The following SORL1 variants were observed in gnomAD, a reference collection of about 807,000 sequenced individuals.
The protein encoded by SORL1 is sortilin-related receptor.
A neutral mutation model predicts 273.7 loss-of-function variants in SORL1; 127 were observed. That is an observed-to-expected ratio of 0.46 (90% CI 0.40 to 0.54). SORL1 has a LOEUF of 0.54. SORL1 is among the 20% of genes least tolerant of loss of function. The pLI is 0.00. For missense variants in SORL1, 2,494 were observed against 2,846.1 expected, an observed-to-expected ratio of 0.88 and a Z score of 2.81; for synonymous variants, 1,031 against 1,067.4, an observed-to-expected ratio of 0.97 and a Z score of 0.66.
intron 6 of SORL1, among the ~76,000 whole-genome samples, chr11:121,499,901 C>T (rs1285367104): frequency 6.6e-6 from 1 of 152,234 alleles, no homozygotes; most frequent in East Asian, 1.9e-4. Context: ...TTCCTTCCAG[C>T]ACCATGAATG....
chr11:121,575,953 G>T lies in SORL1; in HGVS notation c.3461-1328G>T, dbSNP rs1195059557. On this transcript the variant is annotated intron_variant, in intron 24 of 47. Transcript: ENST00000260197. The stretch of plus-strand genomic sequence containing the variant: ...TGAATTCATCCCAGGGTCCCGGTTA[G>T]CCCCTTCCTCTGATGCAGGTCCTCT... Among the ~76,000 whole-genome samples the T allele has an allele frequency of 3.9e-5, 6 of 152,282 alleles. No individual in the cohort carries two copies. The East Asian group carries it at 1.2e-3, about 29-fold the overall frequency.
intron 28 of SORL1, among the ~76,000 whole-genome samples, chr11:121,588,808 A>G (rs543563665): frequency 1.3e-5 from 2 of 152,196 alleles, no homozygotes; most frequent in Non-Finnish European, 2.9e-5. Context: ...CCCTGGCCTC[A>G]TAGACGGCTG....
chr11:121,627,262 C>A lies in SORL1; in HGVS notation c.6365-293C>A, dbSNP rs1029782605. ...TGCTAATGAAATCAATGTTGATACCCCAACAAAGGTCTCCCTTCCAAGAGA... is the reference window on the plus strand; with the variant it reads ...TGCTAATGAAATCAATGTTGATACCACAACAAAGGTCTCCCTTCCAAGAGA... On this transcript the variant is annotated intron_variant, in intron 46 of 47. Coordinates refer to ENST00000260197, the MANE Select transcript of SORL1 (RefSeq NM_003105.6). The surrounding 1 kb of genome is among the most constrained non-coding windows in gnomAD (Gnocchi z 4.9). 4.3e-5 allele frequency: 17 copies of A among 391,950 alleles called. No homozygotes were observed. The highest frequency in any genetic ancestry group is 1.3e-4 in the Admixed American group (3 of 23,592). 24.3% of individuals were successfully genotyped at this position (391,950 alleles called of 1,614,324 possible).
At chr11:121,587,883 A>G in intron 27 of SORL1, 137 bp from the exon 28 acceptor site, 1 of 958,496 alleles carries the variant, frequency 1.0e-6, no homozygotes, top group Non-Finnish European at 1.5e-6. Context: ...CTTGGCAGAA[A>G]ACAAGTGCTC....
intron 14 of SORL1, among the ~76,000 whole-genome samples, 189 bp from the exon 15 acceptor site, chr11:121,549,771 A>C (rs1862481520): frequency 6.6e-6 from 1 of 150,900 alleles, no homozygotes; most frequent in South Asian, 2.1e-4. Context: ...GTGTTTTTCC[A>C]ACTGTGGTTC....
Position 121,566,378 on chromosome 11 carries a change from A to T in SORL1, c.3050-562A>T, listed in dbSNP as rs567233449. ...GTTCTTTTTTAAATTAAAAAAAAAA[A>T]TTTTTTTTAAGGGATAGGATCTTGC... On this transcript the variant is annotated intron_variant, in intron 21 of 47. Coordinates refer to ENST00000260197, the MANE Select transcript of SORL1 (RefSeq NM_003105.6). 3.1e-3 allele frequency among the ~76,000 whole-genome samples: 466 copies of T among 151,924 alleles called. 5 individuals are homozygous for T. Among genetic ancestry groups the T allele is most frequent in the African/African-American group, 4.0e-3 (165 of 41,424 alleles).
At position 121,561,049 on chromosome 11, in the gene SORL1, C is replaced by T. The variant is rs530634310; in HGVS notation, c.3049+1392C>T. On this transcript the variant is annotated intron_variant, in intron 21 of 47. Transcript: ENST00000260197. ...CCTTTGTTTAATGGAGGACATCCAC[C>T]CCTACTGATCTGACTTGCTAGCTAG... Among the ~76,000 whole-genome samples, 6 of 152,290 alleles carry T rather than the reference C, an allele frequency of 3.9e-5. No homozygotes were observed. In the South Asian group the frequency reaches 1.0e-3, roughly 26 times the overall value.
Position 121,532,480 on chromosome 11 carries a change from A to G in SORL1, c.1613A>G (p.His538Arg). 6.2e-7 allele frequency: 1 copy of G among 1,614,116 alleles called. No individual in the cohort carries two copies. Among genetic ancestry groups the G allele is most frequent in the Non-Finnish European group, 8.5e-7 (1 of 1,179,982 alleles). Residue 538 changes from histidine (H) to arginine (R), a missense_variant, in exon 12 of 48, where the codon CAC (histidine) becomes CGC (arginine). By Grantham distance (29) the His-to-Arg change is conservative. Coordinates refer to ENST00000260197, the MANE Select transcript of SORL1 (RefSeq NM_003105.6). The stretch of plus-strand genomic sequence containing the variant: ...CCTCTTCAGGCACTTCCTGGACCTC[A>G]CTACTACACATGGGGAGACCACGGC... The part of the protein sequence containing the change: ...ARWREALPGP[H>R]YYTWGDHGGI...
chr11:121,591,781 AT>A (rs979256279), intron 31 of SORL1, among the ~76,000 whole-genome samples: 2 of 152,070 alleles, frequency 1.3e-5, no homozygotes, highest in African/African-American at 4.8e-5. Context: ...AGAACAAATA[AT>A]TTTTTGCATG....
rs1399191659 is a variant in SORL1 at position 121,583,540 on chromosome 11, T to TACGG, written c.3666_3669dup (p.Cys1224GlyfsTer8). On this transcript the variant is annotated frameshift_variant, in exon 26 of 48. Transcript: ENST00000260197. LOFTEE classifies it high-confidence loss of function. The stretch of plus-strand genomic sequence containing the variant: ...CCCAGCGGTGGGCGTGTGACGGGGA[T>TACGG]ACGGACTGCCAGGATGGTTCCGATG... 1 of 1,612,818 alleles carries TACGG rather than the reference T, an allele frequency of 6.2e-7. No individual in the cohort carries two copies. Among genetic ancestry groups the TACGG allele is most frequent in the East Asian group, 2.2e-5 (1 of 44,664 alleles).
chr11:121,508,628 C>T (rs1331312740), intron 6 of SORL1, among the ~76,000 whole-genome samples: 2 of 152,184 alleles, frequency 1.3e-5, no homozygotes, highest in Admixed American at 1.3e-4. Flanking sequence ...GGCTGCCAGG[C>T]TGCTGTTTTT....
chr11:121,605,496 G>C lies in SORL1; in HGVS notation c.4873G>C (p.Val1625Leu). The C allele has an allele frequency of 6.2e-7, 1 of 1,614,150 alleles. No individual in the cohort carries two copies. The highest frequency in any genetic ancestry group is 1.7e-5 in the Admixed American group (1 of 60,024). The change falls in exon 35 of 48, where the codon GTT becomes CTT. Residue 1625 changes from valine (V) to leucine (L), a missense_variant. Val to Leu is a conservative substitution (Grantham distance 32). Transcript: ENST00000260197. Reference sequence around the variant, plus strand: ...CTTGAAACCAGATACCACGTATCAGGTTAAAGTACAGGTTCAGTGTCTCAG... The same window carrying C: ...CTTGAAACCAGATACCACGTATCAGCTTAAAGTACAGGTTCAGTGTCTCAG... ...KVLKPDTTYQ[V>L]KVQVQCLSKA...
intron 21 of SORL1, among the ~76,000 whole-genome samples, chr11:121,560,728 G>A (rs1293137812): frequency 6.6e-6 from 1 of 152,108 alleles, no homozygotes; most frequent in Non-Finnish European, 1.5e-5. Flanking sequence ...GAACACCCTG[G>A]GAAAACTATA....
chr11:121,576,381 C>T (rs1314010036), intron 24 of SORL1, among the ~76,000 whole-genome samples: 3 of 152,146 alleles, frequency 2.0e-5, no homozygotes, highest in Non-Finnish European at 2.9e-5. Flanking sequence ...AAGGAGTGAA[C>T]AGCTCCCTCC....
At chr11:121,512,928 C>A (rs748476401) in intron 6 of SORL1, 75 bp from the exon 7 acceptor site, 15 of 998,726 alleles carry the variant, frequency 1.5e-5, no homozygotes, top group Non-Finnish European at 2.2e-5. Context: ...TCTGACTCTT[C>A]TATTTTTATT....
At chr11:121,521,345 G>A (rs919572470) in intron 9 of SORL1, among the ~76,000 whole-genome samples, 2 of 152,148 alleles carry the variant, frequency 1.3e-5, no homozygotes, top group Non-Finnish European at 2.9e-5. Flanking sequence ...AAATATCTGG[G>A]TACTTCCTCT....
chr11:121,516,745 C>T (rs891904305), intron 8 of SORL1, among the ~76,000 whole-genome samples: 3 of 152,038 alleles, frequency 2.0e-5, no homozygotes, highest in East Asian at 1.9e-4. Context: ...TGGTTCTTGT[C>T]GTTTTTTATT....
chr11:121,522,450 T>C lies in SORL1; in HGVS notation c.1405-136T>C, dbSNP rs1454938252. ...CTGGGGGGTGTGGGGACAGCTGGGC[T>C]GTGAGTCTGGTTTCCCCTGGGCCAG... On this transcript the variant is annotated intron_variant, in intron 9 of 47. Coordinates refer to ENST00000260197, the MANE Select transcript of SORL1 (RefSeq NM_003105.6). 2.6e-5 allele frequency: 18 copies of C among 698,962 alleles called. No individual in the cohort carries two copies. In the East Asian group the frequency reaches 4.5e-4, roughly 17 times the overall value. The allele number at this position is 698,962 out of a possible 1,614,324, so 43.3% of individuals were successfully genotyped here.
intron 6 of SORL1, among the ~76,000 whole-genome samples, chr11:121,510,304 A>G (rs1861857931): frequency 1.3e-5 from 2 of 152,224 alleles, no homozygotes; most frequent in Non-Finnish European, 2.9e-5. Context: ...TAGACTAGAA[A>G]TAAAAATTGC....
Sources: allele counts gnomAD v4.1 joint callset (sites outside exome capture counted in the v4.1 genomes callset), GRCh38; gene constraint gnomAD v4.1.1; non-coding constraint Gnocchi (gnomAD v3.1); transcripts MANE v1.5; gene names NCBI Gene and HGNC (gene_info 2026-07-23, HGNC 2026-07-21).